VIPR1: variants seen among roughly 807,000 people sequenced by gnomAD.
VIPR1 encodes vasoactive intestinal peptide receptor 1.
A neutral mutation model predicts 58.8 loss-of-function variants in VIPR1; 59 were observed. That is an observed-to-expected ratio of 1.00 (90% confidence interval 0.81 to 1.25). VIPR1 has a LOEUF of 1.25. Among genes scored for constraint, VIPR1 ranks in the 50% most tolerant of loss-of-function variants. VIPR1 has a pLI of 0.00. For missense variants in VIPR1, 626 were observed against 602.7 expected (o/e 1.04, Z -0.40); for synonymous variants, 251 against 242.1 (o/e 1.04, Z -0.34).
chr3:42,512,891 C>G, intron 1 of VIPR1: 1 of 985,540 alleles, frequency 1.0e-6, no homozygotes, highest in Non-Finnish European at 1.2e-6. Flanking sequence ...GTTCCCAAGA[C>G]CTGTTTTTTC....
chr3:42,524,656 G>A (rs1261070365), intron 3 of VIPR1, among the ~76,000 whole-genome samples: 1 of 152,170 alleles, frequency 6.6e-6, no homozygotes, highest in East Asian at 1.9e-4. Context: ...ATACGGCAAA[G>A]TTTGGAAATA....
At chr3:42,492,466 C>T (rs1699681879) in intron 1 of VIPR1, 1 of 152,478 alleles carries the variant, frequency 6.6e-6, no homozygotes, top group African/African-American at 2.4e-5. Context: ...GGCCTCTCCT[C>T]CCTCCACAGA....
At chr3:42,533,702 C>G (rs1354991602) in intron 10 of VIPR1, 1 of 152,210 alleles carries the variant, frequency 6.6e-6, no homozygotes, top group Non-Finnish European at 1.5e-5. Context: ...CCCCATAAGC[C>G]TTTGATTTAA....
intron 6 of VIPR1, 107 bp downstream of exon 6, chr3:42,528,230 T>A (rs983400753): frequency 7.6e-7 from 1 of 1,307,752 alleles, no homozygotes; most frequent in Non-Finnish European, 9.9e-7. Flanking sequence ...CCCTCTTCCC[T>A]CCCACCCCAC....
intron 1 of VIPR1, among the ~76,000 whole-genome samples, chr3:42,504,546 G>C (rs1377652430): frequency 6.6e-6 from 1 of 152,046 alleles, no homozygotes; most frequent in African/African-American, 2.4e-5. Context: ...AAGGTCAGGG[G>C]CTGGGGTCTC....
intron 3 of VIPR1, chr3:42,519,567 T>C (rs2125654957): frequency 4.7e-6 from 2 of 427,656 alleles, no homozygotes; most frequent in Non-Finnish European, 8.3e-6. Flanking sequence ...CAACAATTGA[T>C]AACTGATTGA....
At chr3:42,507,622 G>C (rs540632793) in intron 1 of VIPR1, among the ~76,000 whole-genome samples, 2 of 152,304 alleles carry the variant, frequency 1.3e-5, no homozygotes, top group South Asian at 4.1e-4. Context: ...AGTTCCCTAG[G>C]TGTGGCCAGG....
chr3:42,534,902 C>A, intron 10 of VIPR1, 73 bp from the exon 11 acceptor site: 1 of 1,570,866 alleles, frequency 6.4e-7, no homozygotes, highest in South Asian at 1.2e-5. Flanking sequence ...CTCCAGCTGC[C>A]CCCATGCCAC....
chr3:42,497,882 C>T (rs1699796318), upstream of VIPR1, among the ~76,000 whole-genome samples: 1 of 152,194 alleles, frequency 6.6e-6, no homozygotes, highest in South Asian at 2.1e-4. Context: ...ACTTCCCAGT[C>T]TCAGGTATCT....
chr3:42,531,384 C>G, intron 7 of VIPR1, 87 bp from the exon 8 acceptor site: 1 of 1,416,484 alleles, frequency 7.1e-7, no homozygotes, highest in Non-Finnish European at 9.8e-7. Flanking sequence ...CTCCCTCTCC[C>G]TGCTTTTCTC....
Position 42,535,483 on chromosome 3 carries a change from C to A in VIPR1, c.1182+99C>A, listed in dbSNP as rs1389181998. ...ATGTGCAGAGCAAGGACGGGTTAAA[C>A]CTTGCTGCTCCAAGTATGGTCCTCA... On this transcript the variant is annotated intron_variant, in intron 12 of 12. Coordinates refer to ENST00000325123, the MANE Select transcript of VIPR1 (RefSeq NM_004624.4). 3.8e-6 allele frequency: 5 copies of A among 1,313,056 alleles called. No individual in the cohort carries two copies. The Admixed American group carries it at 8.7e-5, about 23-fold the overall frequency. The allele number at this position is 1,313,056 out of a possible 1,614,324, so 81.3% of individuals were successfully genotyped here.
At chr3:42,531,690 C>G (rs982107805) in intron 8 of VIPR1, 113 bp from the exon 9 acceptor site, 8 of 1,543,236 alleles carry the variant, frequency 5.2e-6, no homozygotes, top group Non-Finnish European at 7.2e-6. Context: ...AGACTCTGGG[C>G]CCGGGGTTGC....
chr3:42,505,020 A>G (rs866438441), intron 1 of VIPR1, among the ~76,000 whole-genome samples: 1 of 151,480 alleles, frequency 6.6e-6, no homozygotes, highest in Admixed American at 6.6e-5. Flanking sequence ...CAGCAGGCAC[A>G]GGGACTCCTC....
rs1251780901 is a variant in VIPR1, at chr3:42,530,893, G to A, written c.751G>A (p.Glu251Lys). The change falls in exon 7 of 13, where the codon GAG becomes AAG. Residue 251 changes from glutamate to lysine, a missense_variant. Transcript: ENST00000325123. ...YTLLAVSFFSERKYFWGYILI... is the reference protein window; with the variant it reads ...YTLLAVSFFSKRKYFWGYILI... ...CCTGCTTGCCGTCTCCTTCTTCTCT[G>A]AGCGGAAGTACTTCTGGGGGTACAT... The A allele has an allele frequency of 1.2e-6, 2 of 1,614,066 alleles. No homozygotes were observed. The highest frequency in any genetic ancestry group is 1.1e-5 in the South Asian group (1 of 91,080).
chr3:42,496,293 T>C (rs1026250000), intron 1 of VIPR1, among the ~76,000 whole-genome samples: 1 of 152,230 alleles, frequency 6.6e-6, no homozygotes, highest in Non-Finnish European at 1.5e-5. Flanking sequence ...AGGTAACTAA[T>C]AACATGTCTT....
intron 3 of VIPR1, among the ~76,000 whole-genome samples, chr3:42,525,521 T>C (rs930067100): frequency 2.6e-5 from 4 of 152,150 alleles, no homozygotes; most frequent in Non-Finnish European, 5.9e-5. Context: ...CGTGGCCTTG[T>C]GACAAGGGTC....
At chr3:42,489,625 G>C (rs1259264839) in exon 1 of VIPR1, 2 of 152,324 alleles carry the variant, frequency 1.3e-5, no homozygotes, top group East Asian at 3.9e-4. Flanking sequence ...GCTGGCATGT[G>C]CCAGGCTAGA....
upstream of VIPR1, among the ~76,000 whole-genome samples, chr3:42,499,102 C>T (rs907121795): frequency 6.6e-6 from 1 of 152,232 alleles, no homozygotes. Flanking sequence ...CAAATGTTGC[C>T]TGCATCCAGA....
chr3:42,535,374 T>G lies in VIPR1; in HGVS notation c.1172T>G (p.Leu391Arg). 6.2e-7 allele frequency: 1 copy of G among 1,614,078 alleles called. No homozygotes were observed. The highest frequency in any genetic ancestry group is 8.5e-7 in the Non-Finnish European group (1 of 1,179,992). Residue 391 changes from leucine (L) to arginine (R), a missense_variant, in exon 12 of 13, where the codon CTC (leucine) becomes CGC (arginine). By Grantham distance (102) the Leu-to-Arg change is moderately radical. Coordinates refer to ENST00000325123, the MANE Select transcript of VIPR1 (RefSeq NM_004624.4). Reference sequence around the variant, plus strand: ...GTGGTGGCTATCCTCTACTGCTTCCTCAATGGTGAGGTAAGCCCCTCCCAG... The same window carrying G: ...GTGGTGGCTATCCTCTACTGCTTCCGCAATGGTGAGGTAAGCCCCTCCCAG... ...GFVVAILYCFLNGEVQAELRR... is the reference protein window; with the variant it reads ...GFVVAILYCFRNGEVQAELRR...
Sources: allele counts gnomAD v4.1 joint callset (sites outside exome capture counted in the v4.1 genomes callset), GRCh38; gene constraint gnomAD v4.1.1; transcripts MANE v1.5; gene names NCBI Gene and HGNC (gene_info 2026-07-23, HGNC 2026-07-21).